The following BRPF3 variants were observed in gnomAD, a reference collection of about 807,000 sequenced individuals.
The protein encoded by BRPF3 is bromodomain and PHD finger-containing protein 3.
In BRPF3, 18 loss-of-function variants were observed where a neutral mutation model predicts 102.0. That is an observed-to-expected ratio of 0.18 (90% confidence interval 0.12 to 0.26). BRPF3 has a LOEUF of 0.26. Among genes scored for constraint, BRPF3 ranks in the 10% least tolerant of loss-of-function variants. The pLI is 1.00. For synonymous variants in BRPF3, 570 were observed against 614.2 expected, an observed-to-expected ratio of 0.93 and a Z score of 1.06; for missense variants, 1,147 against 1,567.8, an observed-to-expected ratio of 0.73 and a Z score of 4.53.
rs1177635181 is a variant in BRPF3 at position 36,230,636 on chromosome 6, G to T, written c.*27G>T. 1 of 1,607,532 alleles carries T rather than the reference G, an allele frequency of 6.2e-7. No homozygotes were observed. Among genetic ancestry groups the T allele is most frequent in the Non-Finnish European group, 8.5e-7 (1 of 1,175,804 alleles). The stretch of plus-strand genomic sequence containing the variant: ...GGCAGGGCTGGGCCTGCATCCGCTT[G>T]CCCTGCCTCCATCCCGCAGGGCACA... On this transcript the variant is annotated 3_prime_UTR_variant, in exon 13 of 13. Coordinates refer to ENST00000357641, the MANE Select transcript of BRPF3 (RefSeq NM_015695.3). The surrounding 1 kb of genome is among the most constrained non-coding windows in gnomAD (Gnocchi z 5.4).
chr6:36,201,852 A>G lies in BRPF3; in HGVS notation c.1448+82A>G, dbSNP rs1767717521. On this transcript the variant is annotated intron_variant, in intron 2 of 12. Coordinates refer to ENST00000357641, the MANE Select transcript of BRPF3 (RefSeq NM_015695.3). The surrounding 1 kb of genome is among the most constrained non-coding windows in gnomAD (Gnocchi z 5.1). ...TGGCCCTGTGCCAGGCCTTCGCTAA[A>G]CACAGTTGGACACTATATCCTCCTC... is the stretch of plus-strand genomic sequence containing the variant. 6.7e-7 allele frequency: 1 copy of G among 1,499,294 alleles called. No homozygotes were observed. 92.9% of individuals were successfully genotyped at this position (1,499,294 alleles called of 1,614,324 possible).
chr6:36,208,052 T>C (rs1767967213), intron 4 of BRPF3, among the ~76,000 whole-genome samples: 1 of 152,218 alleles, frequency 6.6e-6, no homozygotes, highest in Admixed American at 6.5e-5. Context: ...ATTGGTTTTC[T>C]CACCTGGAAT....
chr6:36,210,573 C>T lies in BRPF3; in HGVS notation c.2179+45C>T. 2 of 1,530,612 alleles carry T rather than the reference C, an allele frequency of 1.3e-6. No individual in the cohort carries two copies. Among genetic ancestry groups the T allele is most frequent in the African/African-American group, 2.7e-5 (2 of 72,948 alleles). 94.8% of individuals were successfully genotyped at this position (1,530,612 alleles called of 1,614,324 possible). ...GGGGAGGAGAGGGGCCAGGAGGAGG[C>T]ACAGGAACAGAGTCTACAGAGTGAG... On this transcript the variant is annotated intron_variant, in intron 6 of 12. Transcript: ENST00000357641. This position sits in a 1 kb window ranked among gnomAD's most constrained non-coding sequence, Gnocchi z 4.7.
rs2127275693 is a variant in BRPF3, at chr6:36,201,700, C to T, written c.1378C>T (p.Pro460Ser). The T allele has an allele frequency of 6.2e-7, 1 of 1,614,044 alleles. No homozygotes were observed. The highest frequency in any genetic ancestry group is 8.5e-7 in the Non-Finnish European group (1 of 1,179,954). Residue 460 changes from proline (P) to serine (S), a missense_variant, in exon 2 of 13, where the codon CCA becomes TCA. Physicochemically the swap from Pro to Ser is moderately conservative, Grantham distance 74. This residue lies in a region of BRPF3 where 157 missense variants were observed against 163.6 expected (regional missense o/e 0.96). Transcript: ENST00000357641. The surrounding 1 kb of genome is among the most constrained non-coding windows in gnomAD (Gnocchi z 5.1). ...MSLKQKIKKEPEEAGQDTPST... is the reference protein window; with the variant it reads ...MSLKQKIKKESEEAGQDTPST... ...TTTGAAGCAGAAGATCAAGAAGGAGCCAGAGGAAGCAGGCCAAGACACACC... is the reference window on the plus strand; with the variant it reads ...TTTGAAGCAGAAGATCAAGAAGGAGTCAGAGGAAGCAGGCCAAGACACACC...
Position 36,201,412 on chromosome 6 carries a change from C to G in BRPF3, c.1090C>G (p.Pro364Ala), listed in dbSNP as rs766466169. 3 of 1,614,152 alleles carry G rather than the reference C, an allele frequency of 1.9e-6. 1 individual carries two copies. The highest frequency in any genetic ancestry group is 3.3e-4 in the Middle Eastern group (2 of 6,062). ...GGCTGGGCTCTTCATGAAGATTGAG[C>G]CCATGCGCGAAACCAGCCTCAATGG... ...QRAGLFMKIEPMRETSLNGTI... is the reference protein window; with the variant it reads ...QRAGLFMKIEAMRETSLNGTI... The change falls in exon 2 of 13, where the codon CCC becomes GCC. Residue 364 changes from proline to alanine, a missense_variant. Pro to Ala is a conservative substitution (Grantham distance 27). Around this residue, in one of 11 missense-constraint regions of BRPF3, gnomAD observed 157 missense variants for 163.6 expected, o/e 0.96. Transcript: ENST00000357641. This position sits in a 1 kb window ranked among gnomAD's most constrained non-coding sequence, Gnocchi z 5.1.
intron 8 of BRPF3, 109 bp downstream of exon 8, chr6:36,214,495 G>A (rs1768257910): frequency 1.5e-6 from 2 of 1,297,610 alleles, no homozygotes; most frequent in Non-Finnish European, 1.0e-6. Flanking sequence ...CCATTGGACA[G>A]CAATAGTAGC....
intron 8 of BRPF3, among the ~76,000 whole-genome samples, chr6:36,215,879 G>A (rs191390138): frequency 6.6e-6 from 1 of 152,350 alleles, no homozygotes; most frequent in African/African-American, 2.4e-5. Flanking sequence ...GGCAGGGAGG[G>A]CTGCTCTTGG....
At chr6:36,218,250 A>T (rs1768401804) in intron 9 of BRPF3, among the ~76,000 whole-genome samples, 1 of 152,010 alleles carries the variant, frequency 6.6e-6, no homozygotes, top group South Asian at 2.1e-4. Context: ...TGTGGGGCTG[A>T]ATTTGGACTC....
rs1428637239 is a variant in BRPF3, at chr6:36,214,330, G to A, written c.2933G>A (p.Ser978Asn). The change falls in exon 8 of 13, where the codon AGC becomes AAC. Residue 978 changes from serine (S) to asparagine (N), a missense_variant. Physicochemically the swap from Ser to Asn is conservative, Grantham distance 46. This residue lies in a region of BRPF3 where 379 missense variants were observed against 426.3 expected (regional missense o/e 0.89). Coordinates refer to ENST00000357641, the MANE Select transcript of BRPF3 (RefSeq NM_015695.3). ...CGCCACTCCCGGAAGCGGCCAAGGA[G>A]CAGGAGCTGTAGTGAGAGCGAAGGG... Reference protein sequence around the residue: ...EERHSRKRPRSRSCSESEGER... With the variant: ...EERHSRKRPRNRSCSESEGER... 3 of 1,613,134 alleles carry A rather than the reference G, an allele frequency of 1.9e-6. No individual in the cohort carries two copies. Among genetic ancestry groups the A allele is most frequent in the African/African-American group, 2.7e-5 (2 of 75,054 alleles).
chr6:36,227,230 T>C (rs1039500225), intron 11 of BRPF3, among the ~76,000 whole-genome samples: 15 of 151,772 alleles, frequency 9.9e-5, no homozygotes, highest in Admixed American at 3.3e-4. Context: ...CTTTTAAACA[T>C]TTTTTCTTGT....
intron 9 of BRPF3, among the ~76,000 whole-genome samples, chr6:36,221,298 T>C (rs1285585010): frequency 6.8e-6 from 1 of 146,244 alleles, no homozygotes; most frequent in African/African-American, 2.5e-5. Flanking sequence ...TTTTTTTTTT[T>C]TTTTTTTGAG....
chr6:36,227,372 C>T (rs1217956369), intron 11 of BRPF3, among the ~76,000 whole-genome samples: 2 of 152,020 alleles, frequency 1.3e-5, no homozygotes, highest in East Asian at 1.9e-4. Flanking sequence ...ATTTATTGTT[C>T]GCATATTCAT....
chr6:36,212,233 C>A (rs941323374), intron 7 of BRPF3, among the ~76,000 whole-genome samples: 10 of 152,168 alleles, frequency 6.6e-5, no homozygotes, highest in African/African-American at 2.2e-4. Flanking sequence ...AGCTAAGCTG[C>A]TTCTCATTCT....
In BRPF3 at chr6:36,204,686, T is replaced by C; in HGVS notation, c.1477T>C (p.Phe493Leu). ...RLNKICSGLS[F>L]QRKNQFMQRL... The stretch of plus-strand genomic sequence containing the variant: ...GAACAAGATCTGTAGTGGTCTCTCC[T>C]TTCAGAGGAAAAACCAGTTTATGCA... The change falls in exon 3 of 13, where the codon TTT (phenylalanine) becomes CTT (leucine). Residue 493 changes from phenylalanine to leucine, a missense_variant. Phe to Leu is a conservative substitution (Grantham distance 22). Around this residue, in one of 11 missense-constraint regions of BRPF3, gnomAD observed 157 missense variants for 163.6 expected, o/e 0.96. Coordinates refer to ENST00000357641, the MANE Select transcript of BRPF3 (RefSeq NM_015695.3). The C allele has an allele frequency of 3.1e-6, 5 of 1,614,218 alleles. No individual in the cohort carries two copies. The highest frequency in any genetic ancestry group is 4.2e-6 in the Non-Finnish European group (5 of 1,180,042).
intron 4 of BRPF3, among the ~76,000 whole-genome samples, chr6:36,208,456 C>G (rs1474062053): frequency 4.6e-5 from 7 of 152,102 alleles, no homozygotes. Flanking sequence ...GGCAACAAAG[C>G]AAGACCTGTT....
intron 5 of BRPF3, 67 bp downstream of exon 5, chr6:36,209,982 G>A (rs1768042512): frequency 1.3e-6 from 2 of 1,590,652 alleles, no homozygotes; most frequent in Non-Finnish European, 1.7e-6. Context: ...AGTAGGCTAG[G>A]AAGGAGTTGG....
At chr6:36,211,193 C>G (rs1179624360) in intron 6 of BRPF3, 65 bp from the exon 7 acceptor site, 4 of 1,506,004 alleles carry the variant, frequency 2.7e-6, no homozygotes, top group African/African-American at 2.8e-5. Flanking sequence ...AGGATTCGGC[C>G]CCTTTCTCTT....
At chr6:36,223,820 A>G (rs1768637303) in intron 10 of BRPF3, among the ~76,000 whole-genome samples, 1 of 152,184 alleles carries the variant, frequency 6.6e-6, no homozygotes, top group Non-Finnish European at 1.5e-5. Context: ...TATTTTTCTC[A>G]GAATAAATTC....
rs773939642 is a variant in BRPF3 at position 36,211,576 on chromosome 6, A to G, written c.2482+16A>G. The G allele has an allele frequency of 5.8e-6, 9 of 1,548,064 alleles. No homozygotes were observed. In the African/African-American group the frequency reaches 1.2e-4, roughly 21 times the overall value. ...GGGGACAGAGGTGAGAGATAGTCAC[A>G]GGCAGGCAGGGGGTTGGAGGGTAAA... On this transcript the variant is annotated intron_variant, in intron 7 of 12. Coordinates refer to ENST00000357641, the MANE Select transcript of BRPF3 (RefSeq NM_015695.3).
Sources: gnomAD v4.1 joint callset for allele counts (sites outside exome capture counted in the v4.1 genomes callset) on GRCh38, gnomAD v4.1.1 for gene constraint, gnomAD v4.1.1 regional missense constraint, Gnocchi (gnomAD v3.1) non-coding constraint, MANE v1.5 for transcripts, NCBI Gene and HGNC (gene_info 2026-07-23, HGNC 2026-07-21) for gene names.